Variants in GALNT13 observed in about 807,000 individuals in gnomAD.
GALNT13 encodes UDP-GalNAc:polypeptide N-acetylgalactosaminyltransferase 13.
GALNT13 carries 28 observed loss-of-function variants against 64.2 expected under a neutral mutation model. The ratio of observed to expected loss-of-function variants is 0.44; its 90% CI spans 0.32 to 0.60. The LOEUF (loss-of-function observed/expected upper bound fraction) is 0.60, where lower values mean the gene tolerates loss of function less well. GALNT13 is among the 20% of genes least tolerant of loss of function. The pLI, the probability that GALNT13 is intolerant of heterozygous loss-of-function variation, is 0.05. For synonymous variants in GALNT13, 214 were observed against 224.6 expected, an observed-to-expected ratio of 0.95 and a Z score of 0.42; for missense variants, 577 against 669.8, an observed-to-expected ratio of 0.86 and a Z score of 1.53.
At chr2:154,295,332 T>C (rs903608924) in intron 8 of GALNT13, among the ~76,000 whole-genome samples, 11 of 147,338 alleles carry the variant, frequency 7.5e-5, no homozygotes, top group African/African-American at 2.2e-4. Context: ...CTTCTCGTTA[T>C]TGAAAATTCT....
the GALNT13 span, among the ~76,000 whole-genome samples, chr2:153,643,042 A>T: frequency 2.0e-5 from 3 of 151,554 alleles, no homozygotes; most frequent in African/African-American, 7.2e-5. Context: ...TGTGAGGTGT[A>T]GTAGCTTTAG....
chr2:153,479,157 C>G, the GALNT13 span, among the ~76,000 whole-genome samples: 4 of 152,148 alleles, frequency 2.6e-5, no homozygotes, highest in Admixed American at 6.5e-5. Context: ...CTGCTGCCCC[C>G]CTGACCTCTG....
At chr2:153,781,650 A>G in the GALNT13 span, among the ~76,000 whole-genome samples, 1 of 152,166 alleles carries the variant, frequency 6.6e-6, no homozygotes, top group Non-Finnish European at 1.5e-5. Flanking sequence ...TCTCAGAAAA[A>G]GTACTAAAGA....
the GALNT13 span, among the ~76,000 whole-genome samples, chr2:153,256,992 T>A: frequency 6.6e-6 from 1 of 152,234 alleles, no homozygotes; most frequent in Non-Finnish European, 1.5e-5. Context: ...AGTTCGAGCT[T>A]CCCGGCTACT....
chr2:153,988,995 C>T (rs1376232327), intron 3 of GALNT13, among the ~76,000 whole-genome samples: 2 of 151,850 alleles, frequency 1.3e-5, no homozygotes, highest in Admixed American at 1.3e-4. Flanking sequence ...TTGTTAATCT[C>T]AGCCATGCCA....
At chr2:153,214,369 T>A in the GALNT13 span, among the ~76,000 whole-genome samples, 3 of 152,196 alleles carry the variant, frequency 2.0e-5, no homozygotes, top group African/African-American at 7.2e-5. Context: ...CACTTTATGA[T>A]GACTCAATAA....
At chr2:154,028,524 C>T (rs1574368615) in intron 3 of GALNT13, among the ~76,000 whole-genome samples, 1 of 152,068 alleles carries the variant, frequency 6.6e-6, no homozygotes, top group East Asian at 1.9e-4. Flanking sequence ...TCCTTCTCTT[C>T]TTCCAAATCT....
intron 3 of GALNT13, among the ~76,000 whole-genome samples, chr2:153,950,065 G>C (rs1207181489): frequency 1.7e-5 from 1 of 59,254 alleles, no homozygotes; most frequent in Non-Finnish European, 3.5e-5. Flanking sequence ...AAAAATTACT[G>C]CAAAAAAATT....
At chr2:153,183,233 G>A in the GALNT13 span, among the ~76,000 whole-genome samples, 16 of 152,258 alleles carry the variant, frequency 1.1e-4, no homozygotes, top group African/African-American at 2.6e-4. Context: ...GATCCATAAT[G>A]TTAAACTTTT....
At chr2:153,164,673 A>T in the GALNT13 span, among the ~76,000 whole-genome samples, 1 of 151,950 alleles carries the variant, frequency 6.6e-6, no homozygotes, top group Admixed American at 6.6e-5. Flanking sequence ...TTGTGTGTGT[A>T]TGTGTGGCAA....
chr2:153,326,627 T>C, the GALNT13 span, among the ~76,000 whole-genome samples: 1 of 152,176 alleles, frequency 6.6e-6, no homozygotes, highest in Non-Finnish European at 1.5e-5. Context: ...CTGGTACCAG[T>C]TTTTCCTTTA....
the GALNT13 span, among the ~76,000 whole-genome samples, chr2:153,345,392 A>T: frequency 1.3e-5 from 2 of 152,184 alleles, no homozygotes; most frequent in African/African-American, 4.8e-5. Flanking sequence ...ATTTTGCTGC[A>T]GGAGAATGTC....
intron 8 of GALNT13, among the ~76,000 whole-genome samples, chr2:154,290,143 AG>A (rs35067204): frequency 1.3e-5 from 2 of 152,180 alleles, no homozygotes; most frequent in South Asian, 4.1e-4. Context: ...GGGGCAAGTC[AG>A]GGAAAAATAT....
At chr2:154,263,803 G>T (rs1170119666) in intron 8 of GALNT13, among the ~76,000 whole-genome samples, 2 of 152,066 alleles carry the variant, frequency 1.3e-5, no homozygotes, top group African/African-American at 4.8e-5. Context: ...TAGACTTGGA[G>T]TAACAAGTAC....
At chr2:153,164,628 C>T in the GALNT13 span, among the ~76,000 whole-genome samples, 1 of 152,054 alleles carries the variant, frequency 6.6e-6, no homozygotes, top group African/African-American at 2.4e-5. Context: ...TTTTTGTTTT[C>T]ATCTCCAAAA....
the GALNT13 span, among the ~76,000 whole-genome samples, chr2:153,527,441 A>G: frequency 4.6e-5 from 7 of 152,096 alleles, no homozygotes; most frequent in Non-Finnish European, 8.8e-5. Context: ...ATATCCAGCA[A>G]AGAACACAAA....
the GALNT13 span, among the ~76,000 whole-genome samples, chr2:153,188,058 T>A: frequency 1.3e-5 from 2 of 152,006 alleles, no homozygotes; most frequent in Non-Finnish European, 2.9e-5. Flanking sequence ...AAAACTTTTT[T>A]AATCTAATAA....
chr2:153,940,016 A>G (rs1389298060), intron 2 of GALNT13, among the ~76,000 whole-genome samples: 2 of 152,094 alleles, frequency 1.3e-5, no homozygotes, highest in African/African-American at 4.8e-5. Context: ...ATTGAATTTT[A>G]GCGTATCATC....
the GALNT13 span, among the ~76,000 whole-genome samples, chr2:153,744,150 A>G: frequency 6.6e-6 from 1 of 152,174 alleles, no homozygotes; most frequent in African/African-American, 2.4e-5. Context: ...GAGTATAGCC[A>G]TCTATTCAAT....
Sources: allele counts gnomAD v4.1 joint callset (sites outside exome capture counted in the v4.1 genomes callset), GRCh38; gene constraint gnomAD v4.1.1; transcripts MANE v1.5; gene names NCBI Gene and HGNC (gene_info 2026-07-23, HGNC 2026-07-21).